The following PCDHA4 variants were observed in gnomAD, a reference collection of about 807,000 sequenced individuals.
PCDHA4 encodes the protein protocadherin alpha-4.
In PCDHA4, 49 loss-of-function variants were observed where a neutral mutation model predicts 61.4. That is an observed-to-expected ratio of 0.80 (90% CI 0.63 to 1.01). PCDHA4 has a LOEUF of 1.01. PCDHA4 is among the 50% of genes least tolerant of loss of function. The pLI, the probability that PCDHA4 is intolerant of heterozygous loss-of-function variation, is 0.00. For missense variants in PCDHA4, 1,254 were observed against 1,235.8 expected (o/e 1.01, Z -0.22); for synonymous variants, 590 against 550.3 (o/e 1.07, Z -1.01).
At chr5:140,941,219 C>CTT (rs1308794823) in intron 1 of PCDHA4, among the ~76,000 whole-genome samples, 11 of 125,974 alleles carry the variant, frequency 8.7e-5, no homozygotes, top group African/African-American at 3.2e-4. Flanking sequence ...TTCTTCCTTT[C>CTT]TTTCTTTCTT....
intron 1 of PCDHA4, chr5:140,852,649 T>C (rs1206238129): frequency 3.1e-6 from 3 of 960,206 alleles, no homozygotes; most frequent in African/African-American, 3.6e-5. Context: ...TAAACCTATC[T>C]ATATCTGTCT....
chr5:140,854,758 C>T (rs2150321610), intron 1 of PCDHA4: 1 of 149,590 alleles, frequency 6.7e-6, no homozygotes, highest in South Asian at 2.1e-4. Context: ...ATTACATTTT[C>T]ATTCCTGAAT....
chr5:140,841,354 C>T (rs1777172316), intron 1 of PCDHA4: 2 of 1,612,948 alleles, frequency 1.2e-6, no homozygotes, highest in Non-Finnish European at 1.7e-6. Context: ...AGCTGGGATC[C>T]TGGCGACTAC....
chr5:140,865,345 A>T (rs555567469), intron 1 of PCDHA4: 4 of 152,320 alleles, frequency 2.6e-5, no homozygotes, highest in African/African-American at 9.6e-5. Context: ...GAAATAGTAT[A>T]TTTACATATT....
chr5:140,831,844 G>T (rs2150197622), intron 1 of PCDHA4, among the ~76,000 whole-genome samples: 1 of 152,224 alleles, frequency 6.6e-6, no homozygotes, highest in South Asian at 2.1e-4. Flanking sequence ...TGATAGAATT[G>T]TCATAAAGCT....
chr5:140,911,455 C>G (rs1266220741), intron 1 of PCDHA4, among the ~76,000 whole-genome samples: 3 of 152,132 alleles, frequency 2.0e-5, no homozygotes, highest in African/African-American at 7.2e-5. Flanking sequence ...AGCTCTTTCT[C>G]TACAGGAGAT....
At position 140,947,211 on chromosome 5, in the gene PCDHA4, T is replaced by A. The variant is rs562676640; in HGVS notation, c.2386-31738T>A. Among the ~76,000 whole-genome samples, 51 of 151,298 alleles carry A rather than the reference T, an allele frequency of 3.4e-4. 1 individual carries two copies. In the South Asian group the frequency reaches 0.011, roughly 32 times the overall value. On this transcript the variant is annotated intron_variant, in intron 1 of 3. Transcript: ENST00000530339. ...ACTACACAGCCTTAAAAAAAGAAAA[T>A]CCTGTCATTTATGACAGGAAAAAAA...
chr5:140,842,598 C>T lies in PCDHA4; in HGVS notation c.2385+33026C>T, dbSNP rs1554139208. Reference sequence around the variant, plus strand: ...GTGTCGGCCTATGAGTTGGTGGTAACCGCGCGGGACGGGGGCTCGCCTTCG... The same window carrying T: ...GTGTCGGCCTATGAGTTGGTGGTAATCGCGCGGGACGGGGGCTCGCCTTCG... On this transcript the variant is annotated intron_variant, in intron 1 of 3. Transcript: ENST00000530339. 3 of 1,542,098 alleles carry T rather than the reference C, an allele frequency of 1.9e-6. 1 individual carries two copies. Among genetic ancestry groups the T allele is most frequent in the Non-Finnish European group, 2.7e-6 (3 of 1,131,600 alleles).
At chr5:140,924,968 C>T (rs1376675912) in intron 1 of PCDHA4, among the ~76,000 whole-genome samples, 1 of 150,880 alleles carries the variant, frequency 6.6e-6, no homozygotes, top group Non-Finnish European at 1.5e-5. Context: ...AAGGTGAGTG[C>T]AGTGGCTCAT....
chr5:141,006,794 A>G (rs1416356472), intron 3 of PCDHA4, among the ~76,000 whole-genome samples: 1 of 152,160 alleles, frequency 6.6e-6, no homozygotes, highest in African/African-American at 2.4e-5. Context: ...ATTAGCTTTG[A>G]ACTTTCTGGC....
chr5:140,922,926 T>C (rs1476173998), intron 1 of PCDHA4, among the ~76,000 whole-genome samples: 2 of 152,222 alleles, frequency 1.3e-5, no homozygotes, highest in African/African-American at 4.8e-5. Context: ...CTTCAGACTT[T>C]TACTTCCAGC....
In PCDHA4 at chr5:140,876,415, G is replaced by T; in HGVS notation, c.2385+66843G>T. On this transcript the variant is annotated intron_variant, in intron 1 of 3. Transcript: ENST00000530339. Reference sequence around the variant, plus strand: ...TGAACTGGATTTTGAAGAGAATAATGCCTATGAAATTCAGGTTAACGCCAT... The same window carrying T: ...TGAACTGGATTTTGAAGAGAATAATTCCTATGAAATTCAGGTTAACGCCAT... The T allele has an allele frequency of 2.5e-6, 4 of 1,613,960 alleles. 1 individual carries two copies. The highest frequency in any genetic ancestry group is 3.4e-6 in the Non-Finnish European group (4 of 1,179,898).
chr5:140,857,883 C>T (rs782327077), intron 1 of PCDHA4: 1 of 1,597,548 alleles, frequency 6.3e-7, no homozygotes, highest in Admixed American at 1.7e-5. Context: ...GAATTGCAGT[C>T]GGCGGCGGTT....
chr5:140,876,754 C>T, intron 1 of PCDHA4: 2 of 1,614,210 alleles, frequency 1.2e-6, no homozygotes, highest in Non-Finnish European at 1.7e-6. Context: ...GGTGACTGCG[C>T]GGGATGGGGG....
At chr5:140,921,366 A>C (rs1415562044) in intron 1 of PCDHA4, among the ~76,000 whole-genome samples, 1 of 152,140 alleles carries the variant, frequency 6.6e-6, no homozygotes, top group African/African-American at 2.4e-5. Flanking sequence ...TTCAAGTTTC[A>C]TATTTCTACA....
intron 1 of PCDHA4, chr5:140,876,767 C>T (rs1462172871): frequency 1.2e-6 from 2 of 1,614,194 alleles, no homozygotes; most frequent in South Asian, 1.1e-5. Flanking sequence ...GATGGGGGCT[C>T]GCCTTCGCTG....
chr5:140,946,781 G>A (rs1006814243), intron 1 of PCDHA4, among the ~76,000 whole-genome samples: 6 of 151,330 alleles, frequency 4.0e-5, no homozygotes, highest in African/African-American at 1.2e-4. Flanking sequence ...ATGTAAAAAA[G>A]CTGATCTTAT....
chr5:140,830,385 C>G, intron 1 of PCDHA4: 2 of 1,614,120 alleles, frequency 1.2e-6, no homozygotes, highest in Non-Finnish European at 1.7e-6. Flanking sequence ...GAGGGCCCAC[C>G]CAAGATGGAT....
chr5:140,960,740 C>T (rs949372581), intron 1 of PCDHA4, among the ~76,000 whole-genome samples: 1 of 151,868 alleles, frequency 6.6e-6, no homozygotes, highest in South Asian at 2.1e-4. Flanking sequence ...GATTTTAGTC[C>T]ATGGCTAAAA....
Sources: gnomAD v4.1 joint callset for allele counts (sites outside exome capture counted in the v4.1 genomes callset) on GRCh38, gnomAD v4.1.1 for gene constraint, MANE v1.5 for transcripts, NCBI Gene and HGNC (gene_info 2026-07-23, HGNC 2026-07-21) for gene names.